The following PPP3CA variants were observed in gnomAD, a reference collection of about 807,000 sequenced individuals.
PPP3CA encodes CAM-PRP catalytic subunit.
Under a neutral mutation model 66.5 loss-of-function variants are expected in PPP3CA, and 14 were observed. The observed-to-expected ratio is 0.21, with a 90% confidence interval of 0.14 to 0.33. The LOEUF (loss-of-function observed/expected upper bound fraction) is 0.33, where lower values mean the gene tolerates loss of function less well. PPP3CA is among the 10% of genes least tolerant of loss of function. PPP3CA has a pLI of 1.00. For synonymous variants in PPP3CA, 232 were observed against 226.2 expected (o/e 1.03, Z -0.23); for missense variants, 317 against 639.5 (o/e 0.50, Z 5.44).
At chr4:101,091,952 CTT>C (rs1204587583) in intron 6 of PPP3CA, among the ~76,000 whole-genome samples, 1 of 151,620 alleles carries the variant, frequency 6.6e-6, no homozygotes, top group Non-Finnish European at 1.5e-5. Context: ...TTCATAACCT[CTT>C]TTCTCTTTCA....
At chr4:101,138,916 TATAA>T (rs1311382806) in intron 2 of PPP3CA, among the ~76,000 whole-genome samples, 4 of 152,232 alleles carry the variant, frequency 2.6e-5, no homozygotes, top group African/African-American at 4.8e-5. Context: ...ATTGAAGTGA[TATAA>T]ATAATGTCAA....
At chr4:101,287,288 T>C (rs1195112975) in intron 1 of PPP3CA, among the ~76,000 whole-genome samples, 2 of 152,226 alleles carry the variant, frequency 1.3e-5, no homozygotes, top group Non-Finnish European at 2.9e-5. Context: ...TTTTGATTAC[T>C]TTAATTATAC....
chr4:101,256,096 C>T (rs898019848), intron 1 of PPP3CA, among the ~76,000 whole-genome samples: 2 of 151,894 alleles, frequency 1.3e-5, no homozygotes, highest in African/African-American at 4.8e-5. Flanking sequence ...GTTCTATTCA[C>T]CACTCTTCTT....
rs35434632 is a variant in PPP3CA, at chr4:101,025,820, C to CAAAA, written c.*41_*44dup. 179 of 479,256 alleles carry CAAAA rather than the reference C, an allele frequency of 3.7e-4. No homozygotes were observed. The highest frequency in any genetic ancestry group is 9.3e-4 in the South Asian group (33 of 35,476). The allele number at this position is 479,256 out of a possible 1,614,324, so 29.7% of individuals were successfully genotyped here. A position where few individuals can be genotyped will look rare whatever the true frequency, so the allele number is the denominator to read the frequency against. On this transcript the variant is annotated 3_prime_UTR_variant, in exon 14 of 14. Coordinates refer to ENST00000394854, the MANE Select transcript of PPP3CA (RefSeq NM_000944.5). ...GCAATCCCCATCATGCCCCGCAGCT[C>CAAAA]AAAAAAAAAAAAAAAAAAAAAAAAA...
intron 1 of PPP3CA, among the ~76,000 whole-genome samples, chr4:101,308,172 C>T (rs1194331777): frequency 6.6e-6 from 1 of 152,096 alleles, no homozygotes; most frequent in African/African-American, 2.4e-5. Context: ...AATGTCTGGC[C>T]TGAAATGTAA....
chr4:101,108,438 A>C (rs1202697096), intron 3 of PPP3CA, among the ~76,000 whole-genome samples: 1 of 152,228 alleles, frequency 6.6e-6, no homozygotes, highest in African/African-American at 2.4e-5. Flanking sequence ...GCAAAATCTT[A>C]CTATTTACCA....
chr4:101,259,758 T>C (rs1726956743), intron 1 of PPP3CA, among the ~76,000 whole-genome samples: 1 of 152,124 alleles, frequency 6.6e-6, no homozygotes, highest in South Asian at 2.1e-4. Context: ...TGACTTTCCA[T>C]CAGAACAGAA....
chr4:101,307,376 C>CT (rs1192854842), intron 1 of PPP3CA, among the ~76,000 whole-genome samples: 5 of 152,024 alleles, frequency 3.3e-5, no homozygotes, highest in African/African-American at 1.2e-4. Context: ...TATTTGGGAG[C>CT]TTTTACCTTC....
At chr4:101,274,458 T>C (rs1420438644) in intron 1 of PPP3CA, among the ~76,000 whole-genome samples, 4 of 152,226 alleles carry the variant, frequency 2.6e-5, no homozygotes, top group African/African-American at 9.6e-5. Flanking sequence ...CTTCAATTAT[T>C]TTATTTCAAT....
At chr4:101,035,170 G>T (rs1727184799) in intron 11 of PPP3CA, among the ~76,000 whole-genome samples, 1 of 152,194 alleles carries the variant, frequency 6.6e-6, no homozygotes. Flanking sequence ...TTGGGAGGCT[G>T]AGACATGAGA....
At chr4:101,157,391 T>C (rs533851218) in intron 2 of PPP3CA, among the ~76,000 whole-genome samples, 15 of 151,922 alleles carry the variant, frequency 9.9e-5, no homozygotes, top group African/African-American at 3.1e-4. Context: ...AAGAAGACAA[T>C]AGAAATAGGA....
chr4:101,321,309 C>T (rs1729034906), intron 1 of PPP3CA, among the ~76,000 whole-genome samples: 1 of 151,876 alleles, frequency 6.6e-6, no homozygotes, highest in Non-Finnish European at 1.5e-5. Flanking sequence ...CTGGTATAGC[C>T]GACTTACAGA....
chr4:101,102,261 G>A (rs1395059188), intron 3 of PPP3CA, among the ~76,000 whole-genome samples: 1 of 149,502 alleles, frequency 6.7e-6, no homozygotes, highest in Non-Finnish European at 1.5e-5. Flanking sequence ...AGGAAGGAAG[G>A]AAGGAAGGGA....
intron 1 of PPP3CA, among the ~76,000 whole-genome samples, chr4:101,322,083 T>G (rs1024117168): frequency 6.6e-6 from 1 of 152,170 alleles, no homozygotes; most frequent in Non-Finnish European, 1.5e-5. Flanking sequence ...GGTTAAATGT[T>G]AGAGAAATAA....
At chr4:101,168,873 C>T (rs1486379219) in intron 2 of PPP3CA, among the ~76,000 whole-genome samples, 2 of 152,146 alleles carry the variant, frequency 1.3e-5, no homozygotes, top group African/African-American at 4.8e-5. Context: ...TTTGTATCTG[C>T]TTACACATAT....
At chr4:101,047,215 T>G (rs560247813) in intron 10 of PPP3CA, among the ~76,000 whole-genome samples, 13 of 152,274 alleles carry the variant, frequency 8.5e-5, no homozygotes, top group African/African-American at 2.9e-4. Context: ...TTCAGTACAT[T>G]GTCCTACACC....
At chr4:101,173,810 G>C (rs1723962679) in intron 2 of PPP3CA, among the ~76,000 whole-genome samples, 1 of 152,056 alleles carries the variant, frequency 6.6e-6, no homozygotes. Flanking sequence ...TCACATTTTG[G>C]TAGGCCAAGG....
At chr4:101,077,488 G>A (rs1729244217) in intron 8 of PPP3CA, among the ~76,000 whole-genome samples, 2 of 152,086 alleles carry the variant, frequency 1.3e-5, no homozygotes, top group Admixed American at 1.3e-4. Flanking sequence ...AAAAATTCTA[G>A]TTAACATCAA....
chr4:101,101,073 T>TA (rs1311157914), intron 3 of PPP3CA, among the ~76,000 whole-genome samples: 1 of 152,136 alleles, frequency 6.6e-6, no homozygotes, highest in Admixed American at 6.6e-5. Context: ...AAATAAACAA[T>TA]AGGTTGACAT....
Sources: gnomAD v4.1 joint callset for allele counts (sites outside exome capture counted in the v4.1 genomes callset) on GRCh38, gnomAD v4.1.1 for gene constraint, MANE v1.5 for transcripts, NCBI Gene and HGNC (gene_info 2026-07-23, HGNC 2026-07-21) for gene names.